The following FANCG variants were observed in gnomAD, a reference collection of about 807,000 sequenced individuals.
FANCG encodes the protein Fanconi anemia group G protein.
FANCG carries 67 observed loss-of-function variants against 73.3 expected under a neutral mutation model. The observed-to-expected ratio is 0.91, with a 90% CI of 0.75 to 1.12. FANCG has a LOEUF of 1.12. Among genes scored for constraint, FANCG ranks in the 50% most tolerant of loss-of-function variants. The probability of loss-of-function intolerance (pLI) is 0.00; values close to 1 mark genes in which losing one functional copy is unlikely to be tolerated. For synonymous variants in FANCG, 297 were observed against 311.6 expected (o/e 0.95, Z 0.49); for missense variants, 643 against 735.6 (o/e 0.87, Z 1.46).
intron 12 of FANCG, 32 bp from the exon 13 acceptor site, chr9:35,074,526 G>A: frequency 6.2e-7 from 1 of 1,604,528 alleles, no homozygotes; most frequent in South Asian, 1.1e-5. Context: ...CAGAGTCTTA[G>A]AACTTGACAT....
chr9:35,076,676 G>C (rs2131055772), intron 7 of FANCG, 48 bp downstream of exon 7: 1 of 1,614,046 alleles, frequency 6.2e-7, no homozygotes, highest in Non-Finnish European at 8.5e-7. Flanking sequence ...CCCATCACAA[G>C]CACCTCAGGA....
chr9:35,078,878 A>G, intron 2 of FANCG, 142 bp from the exon 3 acceptor site: 1 of 1,238,132 alleles, frequency 8.1e-7, no homozygotes, highest in Non-Finnish European at 1.1e-6. Flanking sequence ...AAGGATTTAA[A>G]AAAAGAACCC....
chr9:35,076,276 C>T, intron 8 of FANCG, 156 bp downstream of exon 8: 1 of 877,270 alleles, frequency 1.1e-6, no homozygotes, highest in Non-Finnish European at 1.9e-6. Flanking sequence ...GTCCTCAGTT[C>T]AGGTCTAGAA....
At chr9:35,078,426 C>T (rs893954632) in intron 3 of FANCG, 83 bp from the exon 4 acceptor site, 18 of 1,543,308 alleles carry the variant, frequency 1.2e-5, no homozygotes, top group Non-Finnish European at 1.6e-5. Flanking sequence ...CTCTGGCTTT[C>T]CTCTCCTGCA....
chr9:35,078,538 C>A, intron 3 of FANCG, 67 bp downstream of exon 3: 1 of 1,610,318 alleles, frequency 6.2e-7, no homozygotes, highest in Non-Finnish European at 8.5e-7. Flanking sequence ...ATCCTCCCAT[C>A]TCCCTGCAAT....
Position 35,076,127 on chromosome 9 carries a change from G to A in FANCG, c.1077-99C>T. The A allele has an allele frequency of 4.0e-6, 5 of 1,248,320 alleles. No individual in the cohort carries two copies. In the South Asian group the frequency reaches 4.8e-5, roughly 12 times the overall value. The allele number at this position is 1,248,320 out of a possible 1,614,324, so 77.3% of individuals were successfully genotyped here. A position where few individuals can be genotyped will look rare whatever the true frequency, so the allele number is the denominator to read the frequency against. On this transcript the variant is annotated intron_variant, in intron 8 of 13. Transcript: ENST00000378643. ...TCTTAGCTAACAGATGGATGTTCAT[G>A]GGCCCTGAGGAGGAGAAAGGGAGGG...
At chr9:35,078,796 T>C in intron 2 of FANCG, 60 bp from the exon 3 acceptor site, 8 of 1,609,730 alleles carry the variant, frequency 5.0e-6, no homozygotes, top group Non-Finnish European at 6.8e-6. Flanking sequence ...CCAAATAAAA[T>C]CCCAACTCAG....
At chr9:35,078,497 C>A (rs987916903) in intron 3 of FANCG, 108 bp downstream of exon 3, 15 of 1,567,484 alleles carry the variant, frequency 9.6e-6, no homozygotes, top group Non-Finnish European at 1.3e-5. Context: ...GAGAAGGGCA[C>A]CTCTCTCCAT....
chr9:35,075,836 G>A, intron 9 of FANCG, 82 bp from the exon 10 acceptor site: 4 of 1,530,414 alleles, frequency 2.6e-6, no homozygotes, highest in Non-Finnish European at 3.6e-6. Flanking sequence ...GTACCATGCA[G>A]AGTCCTGGGC....
rs1829067233 is a variant in FANCG, at chr9:35,075,593, C to T, written c.1305G>A (p.Trp435Ter). 1 of 1,613,988 alleles carries T rather than the reference C, an allele frequency of 6.2e-7. No homozygotes were observed. Among genetic ancestry groups the T allele is most frequent in the South Asian group, 1.1e-5 (1 of 91,084 alleles). Residue 435 changes from tryptophan (W) to a stop codon, truncating the protein, a stop_gained, in exon 10 of 14, where the codon TGG becomes TGA. Coordinates refer to ENST00000378643, the MANE Select transcript of FANCG (RefSeq NM_004629.2). LOFTEE classifies it high-confidence loss of function. ...CCTTGGTTCCTTTTCTGGCATCTTC[C>T]CACAGCCGGGACATCTTGGGTAGCA... ...SSLLPKMSRL[W>*]EDARKGTKEL...
In FANCG at chr9:35,076,589, A is replaced by G. The variant is rs768761780; in HGVS notation, c.925-6T>C. On this transcript the variant is annotated splice_region_variant and splice_polypyrimidine_tract_variant and intron_variant, in intron 7 of 13. Transcript: ENST00000378643. ...CTGCATGGGACATTCAAGGCCTAAA[A>G]GAGAAAGAAAAAAATTGTATCTATA... 8 of 1,614,154 alleles carry G rather than the reference A, an allele frequency of 5.0e-6. No homozygotes were observed. In the South Asian group the frequency reaches 8.8e-5, roughly 18 times the overall value.
chr9:35,079,263 G>A, intron 1 of FANCG, 22 bp from the exon 2 acceptor site: 4 of 1,597,198 alleles, frequency 2.5e-6, no homozygotes, highest in Non-Finnish European at 3.4e-6. Context: ...GGGAGGGGTT[G>A]TCACTGAGGA....
In FANCG at chr9:35,075,459, G is replaced by T; in HGVS notation, c.1433+6C>A. ...CTCCACACCCCCTCTAGGACCCCGG[G>T]CTCACCTGCTAAATTCACTAATTGC... On this transcript the variant is annotated splice_donor_region_variant and intron_variant, in intron 10 of 13. Transcript: ENST00000378643. 1 of 1,614,036 alleles carries T rather than the reference G, an allele frequency of 6.2e-7. No homozygotes were observed. The highest frequency in any genetic ancestry group is 8.5e-7 in the Non-Finnish European group (1 of 1,180,010).
At position 35,075,770 on chromosome 9, in the gene FANCG, G is replaced by A; in HGVS notation, c.1144-16C>T. ...GTGGGGAGAACTGGAGTGGGAAGAAGAAGCAGTGTCTTGAAAGGCATGAGC... is the reference window on the plus strand; with the variant it reads ...GTGGGGAGAACTGGAGTGGGAAGAAAAAGCAGTGTCTTGAAAGGCATGAGC... On this transcript the variant is annotated splice_polypyrimidine_tract_variant and intron_variant, in intron 9 of 13. Transcript: ENST00000378643. 1 of 1,570,856 alleles carries A rather than the reference G, an allele frequency of 6.4e-7. No individual in the cohort carries two copies. Among genetic ancestry groups the A allele is most frequent in the Non-Finnish European group, 8.8e-7 (1 of 1,142,372 alleles).
chr9:35,079,366 T>C, intron 1 of FANCG, 75 bp downstream of exon 1: 4 of 1,568,526 alleles, frequency 2.6e-6, no homozygotes, highest in Non-Finnish European at 2.6e-6. Context: ...TCCCCATCGG[T>C]TGGGGTAAAT....
chr9:35,075,178 TTTCTC>T (rs1829059301), intron 11 of FANCG, 96 bp from the exon 12 acceptor site: 1 of 1,605,560 alleles, frequency 6.2e-7, no homozygotes, highest in Non-Finnish European at 8.5e-7. Context: ...CCACAGTCCC[TTTCTC>T]TTAAGTCTCC....
chr9:35,076,904 C>T (rs1829095401), intron 6 of FANCG, 34 bp from the exon 7 acceptor site: 1 of 1,614,112 alleles, frequency 6.2e-7, no homozygotes, highest in Admixed American at 1.7e-5. Context: ...CCTCAGCTAC[C>T]CTTACAAAGC....
In FANCG at chr9:35,073,938, A is replaced by T. The variant is rs1259679506; in HGVS notation, c.*170T>A. The T allele has an allele frequency of 1.5e-6, 1 of 684,118 alleles. No homozygotes were observed. Among genetic ancestry groups the T allele is most frequent in the African/African-American group, 1.8e-5 (1 of 56,372 alleles). 42.4% of individuals were successfully genotyped at this position (684,118 alleles called of 1,614,324 possible). On this transcript the variant is annotated 3_prime_UTR_variant, in exon 14 of 14. Coordinates refer to ENST00000378643, the MANE Select transcript of FANCG (RefSeq NM_004629.2). ...GGTGGTGGCAGAGATTGTTTCCTCC[A>T]AAACGAGAATGGTAGTAACTAGGGC...
rs1243179658 is a variant in FANCG, at chr9:35,076,503, G to A, written c.1005C>T (p.Ala335=). ...VELLLPPPDL[A]SPLHCGTQSQ... is the part of the protein sequence containing the mutation. ...TCTGAGTGCCACAATGAAGGGGTGA[G>A]GCTAGGTCAGGTGGTGGCAGTAGTA... is the stretch of plus-strand genomic sequence containing the variant. The change falls in exon 8 of 14, where the codon GCC becomes GCT. Residue 335 remains alanine (A), a synonymous_variant. Transcript: ENST00000378643. The A allele has an allele frequency of 1.2e-6, 2 of 1,614,094 alleles. No homozygotes were observed. The highest frequency in any genetic ancestry group is 1.7e-6 in the Non-Finnish European group (2 of 1,180,044).
Sources: allele counts gnomAD v4.1 joint callset, GRCh38; gene constraint gnomAD v4.1.1; transcripts MANE v1.5; gene names NCBI Gene and HGNC (gene_info 2026-07-23, HGNC 2026-07-21).